The following LFNG variants were observed in gnomAD, a reference collection of about 807,000 sequenced individuals.
The protein encoded by LFNG is beta-1,3-N-acetylglucosaminyltransferase lunatic fringe.
A neutral mutation model predicts 32.7 loss-of-function variants in LFNG; 15 were observed. The ratio of observed to expected loss-of-function variants is 0.46; its 90% CI spans 0.31 to 0.71. LFNG has a LOEUF of 0.71. LFNG is among the 30% of genes least tolerant of loss of function. The pLI, the probability that LFNG is intolerant of heterozygous loss-of-function variation, is 0.06. For missense variants in LFNG, 520 were observed against 545.7 expected (o/e 0.95, Z 0.47); for synonymous variants, 274 against 246.8 (o/e 1.11, Z -1.03).
At chr7:2,513,826 A>C (rs1779547288), upstream of LFNG, among the ~76,000 whole-genome samples, 2 of 152,210 alleles carry the variant, frequency 1.3e-5, no homozygotes, top group Admixed American at 1.3e-4. Context: ...TGGGGGCTGC[A>C]AATCAGATTA....
upstream of LFNG, chr7:2,517,608 C>T (rs540103409): frequency 4.1e-5 from 18 of 442,606 alleles, no homozygotes; most frequent in South Asian, 2.9e-4. Flanking sequence ...AGCCCCATCC[C>T]CTGGCCTGGG....
In LFNG at chr7:2,527,131, G is replaced by A. The variant is rs1348289594; in HGVS notation, c.1074-15G>A. 1 of 1,611,568 alleles carries A rather than the reference G, an allele frequency of 6.2e-7. No individual in the cohort carries two copies. Among genetic ancestry groups the A allele is most frequent in the South Asian group, 1.1e-5 (1 of 91,052 alleles). ...CTGCCACCCACGCAGACCAGCCCCT[G>A]CTCTGTTCCCACAGGTTCCGCTCCA... On this transcript the variant is annotated splice_polypyrimidine_tract_variant and intron_variant, in intron 7 of 7. Coordinates refer to ENST00000222725, the MANE Select transcript of LFNG (RefSeq NM_001040167.2). The surrounding 1 kb of genome is among the most constrained non-coding windows in gnomAD (Gnocchi z 4.4).
At position 2,526,240 on chromosome 7, in the gene LFNG, G is replaced by T. The variant is rs769576449; in HGVS notation, c.822-4G>T. On this transcript the variant is annotated splice_polypyrimidine_tract_variant and splice_region_variant and intron_variant, in intron 5 of 7. Transcript: ENST00000222725. This position sits in a 1 kb window ranked among gnomAD's most constrained non-coding sequence, Gnocchi z 6.9. ...TCACTGGTCTGGGCCCTTCCCTCCC[G>T]CAGCGGGGGTCACTTCATGAATACG... 9 of 1,612,668 alleles carry T rather than the reference G, an allele frequency of 5.6e-6. No individual in the cohort carries two copies. In the South Asian group the frequency reaches 9.9e-5, roughly 18 times the overall value.
At chr7:2,522,997 A>G (rs1414310000) in intron 1 of LFNG, among the ~76,000 whole-genome samples, 1 of 152,178 alleles carries the variant, frequency 6.6e-6, no homozygotes, top group Non-Finnish European at 1.5e-5. Flanking sequence ...CCCGCACCCC[A>G]TAGCCCCGCC....
In LFNG at chr7:2,520,640, C is replaced by T. The variant is rs980931122; in HGVS notation, c.432+347C>T. On this transcript the variant is annotated intron_variant, in intron 1 of 7. Transcript: ENST00000222725. This position sits in a 1 kb window ranked among gnomAD's most constrained non-coding sequence, Gnocchi z 5.0. Reference sequence around the variant, plus strand: ...ATAGGGCATTATGTCCTCAAACTTCCACAAGCAAATTCTGTTCGGACCCAC... The same window carrying T: ...ATAGGGCATTATGTCCTCAAACTTCTACAAGCAAATTCTGTTCGGACCCAC... Among the ~76,000 whole-genome samples, 1 of 152,256 alleles carries T rather than the reference C, an allele frequency of 6.6e-6. No individual in the cohort carries two copies. Among genetic ancestry groups the T allele is most frequent in the Non-Finnish European group, 1.5e-5 (1 of 68,040 alleles).
At position 2,526,480 on chromosome 7, in the gene LFNG, G is replaced by A. The variant is rs148214906; in HGVS notation, c.987+71G>A. The A allele has an allele frequency of 5.3e-3, 8,184 of 1,531,156 alleles. 29 individuals are homozygous for A. Among genetic ancestry groups the A allele is most frequent in the Non-Finnish European group, 6.6e-3 (7,437 of 1,121,042 alleles). 94.8% of individuals were successfully genotyped at this position (1,531,156 alleles called of 1,614,324 possible). ...GGGACGTGTGGCTGCCGAGAGGGGC[G>A]CAGTGGGGTGGGGCACTGTTCTAAA... is the stretch of plus-strand genomic sequence containing the variant. On this transcript the variant is annotated intron_variant, in intron 6 of 7. Transcript: ENST00000222725. The surrounding 1 kb of genome is among the most constrained non-coding windows in gnomAD (Gnocchi z 6.9).
At chr7:2,518,840 T>TCCGGGCC (rs1389876025), upstream of LFNG, among the ~76,000 whole-genome samples, 1 of 151,842 alleles carries the variant, frequency 6.6e-6, no homozygotes, top group Non-Finnish European at 1.5e-5. Flanking sequence ...CTTGGCCACT[T>TCCGGGCC]CCGGGCCCCT....
chr7:2,517,642 G>A (rs1327518675), upstream of LFNG: 2 of 453,826 alleles, frequency 4.4e-6, no homozygotes, highest in East Asian at 1.4e-4. Context: ...TGGACTCACA[G>A]CATCTTGTCA....
At position 2,526,533 on chromosome 7, in the gene LFNG, C is replaced by A; in HGVS notation, c.987+124C>A. 9.3e-7 allele frequency: 1 copy of A among 1,075,258 alleles called. No homozygotes were observed. The highest frequency in any genetic ancestry group is 1.4e-6 in the Non-Finnish European group (1 of 731,954). 66.6% of individuals were successfully genotyped at this position (1,075,258 alleles called of 1,614,324 possible). ...GGGAGGCCAGGCAGCACTCCACTGT[C>A]AGCCAGGGGGGGTCACTCCTGCCAT... On this transcript the variant is annotated intron_variant, in intron 6 of 7. Transcript: ENST00000222725. This position sits in a 1 kb window ranked among gnomAD's most constrained non-coding sequence, Gnocchi z 6.9.
chr7:2,525,323 G>A lies in LFNG; in HGVS notation c.581+5G>A, dbSNP rs746486259. 3 of 1,612,694 alleles carry A rather than the reference G, an allele frequency of 1.9e-6. No individual in the cohort carries two copies. Among genetic ancestry groups the A allele is most frequent in the Admixed American group, 1.7e-5 (1 of 59,990 alleles). On this transcript the variant is annotated splice_donor_5th_base_variant and intron_variant, in intron 3 of 7. Coordinates refer to ENST00000222725, the MANE Select transcript of LFNG (RefSeq NM_001040167.2). Reference sequence around the variant, plus strand: ...CTTCATCGAGTCCGGCAGGAAGTGAGTGTGGCCCCGGGGGACCCCCATCTC... The same window carrying A: ...CTTCATCGAGTCCGGCAGGAAGTGAATGTGGCCCCGGGGGACCCCCATCTC...
At chr7:2,518,940 G>A (rs1779699338), upstream of LFNG, among the ~76,000 whole-genome samples, 1 of 152,116 alleles carries the variant, frequency 6.6e-6, no homozygotes, top group South Asian at 2.1e-4. Flanking sequence ...GCCGGGGATG[G>A]GGGCCGTGTG....
At chr7:2,524,264 C>T (rs919716644) in intron 1 of LFNG, among the ~76,000 whole-genome samples, 9 of 151,978 alleles carry the variant, frequency 5.9e-5, no homozygotes, top group Non-Finnish European at 1.2e-4. Context: ...CCCGCCACCC[C>T]GCCTGTCCCC....
intron 2 of LFNG, 91 bp from the exon 3 acceptor site, chr7:2,525,128 C>T (rs1779919055): frequency 1.7e-6 from 2 of 1,157,932 alleles, no homozygotes; most frequent in Non-Finnish European, 2.5e-6. Context: ...GGGGGCTTTT[C>T]TCGAGCCCCT....
intron 1 of LFNG, among the ~76,000 whole-genome samples, chr7:2,524,007 G>A (rs1231223304): frequency 5.3e-5 from 8 of 152,286 alleles, no homozygotes; most frequent in African/African-American, 1.2e-4. Flanking sequence ...GCCTGGCCCG[G>A]TTAACCAGGC....
chr7:2,525,921 T>G (rs1779955416), intron 5 of LFNG, 151 bp downstream of exon 5: 1 of 794,330 alleles, frequency 1.3e-6, no homozygotes, highest in African/African-American at 1.7e-5. Context: ...CCTCTGGGTT[T>G]CAGAGGGCAG....
In LFNG at chr7:2,527,200, T is replaced by G; in HGVS notation, c.1128T>G (p.Thr376=). Reference sequence around the variant, plus strand: ...CGGACACACCCTGGTGTCCCCGCACTGCCATCTTCTAGTGGCCATGGCTGA... The same window carrying G: ...CGGACACACCCTGGTGTCCCCGCACGGCCATCTTCTAGTGGCCATGGCTGA... ...LYPDTPWCPR[T]AIF The change falls in exon 8 of 8, where the codon ACT becomes ACG. Residue 376 remains threonine, a synonymous_variant. Transcript: ENST00000222725. The surrounding 1 kb of genome is among the most constrained non-coding windows in gnomAD (Gnocchi z 4.4). The G allele has an allele frequency of 6.2e-7, 1 of 1,612,898 alleles. No homozygotes were observed. The highest frequency in any genetic ancestry group is 8.5e-7 in the Non-Finnish European group (1 of 1,179,934).
At chr7:2,528,897 A>G, downstream of LFNG, 1 of 543,702 alleles carries the variant, frequency 1.8e-6, no homozygotes, top group South Asian at 2.3e-5. Context: ...GGCACGGAGC[A>G]GCTGATGCCC....
Position 2,527,267 on chromosome 7 carries a change from G to T in LFNG, c.*55G>T. ...GCCCCTGGTATCCAAAGGGCCCAGG[G>T]ACCCTGTTGCGCTGCCCTGGCCTCG... On this transcript the variant is annotated 3_prime_UTR_variant, in exon 8 of 8. Coordinates refer to ENST00000222725, the MANE Select transcript of LFNG (RefSeq NM_001040167.2). The surrounding 1 kb of genome is among the most constrained non-coding windows in gnomAD (Gnocchi z 4.4). The T allele has an allele frequency of 5.0e-6, 8 of 1,600,688 alleles. No homozygotes were observed. The highest frequency in any genetic ancestry group is 6.8e-6 in the Non-Finnish European group (8 of 1,177,204).
chr7:2,518,669 G>A (rs1779690655), upstream of LFNG: 15 of 1,577,852 alleles, frequency 9.5e-6, no homozygotes, highest in Non-Finnish European at 1.3e-5. Context: ...TAACTCCGAG[G>A]GGGGCAGTTT....
Sources: allele counts gnomAD v4.1 joint callset (sites outside exome capture counted in the v4.1 genomes callset), GRCh38; gene constraint gnomAD v4.1.1; non-coding constraint Gnocchi (gnomAD v3.1); transcripts MANE v1.5; gene names NCBI Gene and HGNC (gene_info 2026-07-23, HGNC 2026-07-21).